Variants in KATNIP observed in about 807,000 individuals in gnomAD.
KATNIP encodes katanin-interacting protein.
In KATNIP, 126 loss-of-function variants were observed where a neutral mutation model predicts 174.0. That is an observed-to-expected ratio of 0.72 (90% CI 0.63 to 0.84). KATNIP has a LOEUF of 0.84. Among genes scored for constraint, KATNIP ranks in the 40% least tolerant of loss-of-function variants. The pLI is 0.00. For missense variants in KATNIP, 1,958 were observed against 2,109.7 expected (o/e 0.93, Z 1.41); for synonymous variants, 810 against 835.7 (o/e 0.97, Z 0.53).
chr16:27,772,808 G>C (rs1428735265), intron 22 of KATNIP, among the ~76,000 whole-genome samples: 2 of 152,050 alleles, frequency 1.3e-5, no homozygotes, highest in Admixed American at 6.6e-5. Context: ...CCTAGAGGAA[G>C]GCTTTGAATT....
At position 27,778,689 on chromosome 16, in the gene KATNIP, C is replaced by G; in HGVS notation, c.*60C>G. Reference sequence around the variant, plus strand: ...GGTGGGCTCCGTCAGCAGCCCCACTCAGTGCCTGCGTCCCTCACCCTCAGT... The same window carrying G: ...GGTGGGCTCCGTCAGCAGCCCCACTGAGTGCCTGCGTCCCTCACCCTCAGT... On this transcript the variant is annotated 3_prime_UTR_variant, in exon 28 of 28. Transcript: ENST00000261588. The G allele has an allele frequency of 2.6e-6, 4 of 1,517,754 alleles. No homozygotes were observed. Among genetic ancestry groups the G allele is most frequent in the Non-Finnish European group, 3.6e-6 (4 of 1,101,004 alleles). The allele number at this position is 1,517,754 out of a possible 1,614,324, so 94.0% of individuals were successfully genotyped here.
chr16:27,725,799 C>A (rs1235231832), intron 14 of KATNIP, among the ~76,000 whole-genome samples: 1 of 152,172 alleles, frequency 6.6e-6, no homozygotes, highest in East Asian at 1.9e-4. Context: ...AGCGTCACCA[C>A]GCAAGTGCCG....
intron 5 of KATNIP, among the ~76,000 whole-genome samples, chr16:27,640,005 C>G (rs1307368320): frequency 1.3e-5 from 2 of 152,206 alleles, no homozygotes; most frequent in Non-Finnish European, 2.9e-5. Flanking sequence ...TGGGGCAGCC[C>G]CCAGCCTTGC....
In KATNIP at chr16:27,628,811, C is replaced by A; in HGVS notation, c.291C>A (p.Ser97=). The part of the protein sequence containing the change: ...AIHSDFSRSA[S]HTEGTHDYGR... ...ACTCTGACTTCTCCAGAAGTGCCTC[C>A]CACACGGAGGGGACACACGGTGAGC... The change falls in exon 4 of 28, where the codon TCC becomes TCA. Residue 97 remains serine, a synonymous_variant. Transcript: ENST00000261588. 1 of 1,614,140 alleles carries A rather than the reference C, an allele frequency of 6.2e-7. No individual in the cohort carries two copies. Among genetic ancestry groups the A allele is most frequent in the Non-Finnish European group, 8.5e-7 (1 of 1,180,020 alleles).
intron 1 of KATNIP, among the ~76,000 whole-genome samples, chr16:27,566,551 T>G (rs112783519): frequency 8.7e-5 from 12 of 138,440 alleles, no homozygotes; most frequent in African/African-American, 1.1e-4. Context: ...AAAAGGAAGT[T>G]GAAATGGGGG....
chr16:27,739,964 G>A (rs2081038056), intron 14 of KATNIP, 77 bp from the exon 15 acceptor site: 2 of 1,432,016 alleles, frequency 1.4e-6, no homozygotes, highest in South Asian at 1.4e-5. Flanking sequence ...TTCTTTTTTT[G>A]GTATCTTCGA....
chr16:27,658,675 TC>T (rs959887406), intron 6 of KATNIP, among the ~76,000 whole-genome samples: 1 of 152,032 alleles, frequency 6.6e-6, no homozygotes, highest in Admixed American at 6.6e-5. Flanking sequence ...GGAGACGATG[TC>T]CCTTAAAAAA....
chr16:27,632,614 C>T (rs1164065140), intron 5 of KATNIP: 2 of 456,378 alleles, frequency 4.4e-6, no homozygotes, highest in East Asian at 6.9e-5. Context: ...GTCAGTGGTC[C>T]CTTACCAGGA....
intron 1 of KATNIP, among the ~76,000 whole-genome samples, chr16:27,571,637 C>T (rs2090298981): frequency 6.6e-6 from 1 of 152,224 alleles, no homozygotes; most frequent in Non-Finnish European, 1.5e-5. Context: ...CTGCTCTTGC[C>T]CTGGGCCCTG....
intron 21 of KATNIP, among the ~76,000 whole-genome samples, chr16:27,770,799 A>G (rs887209426): frequency 6.6e-6 from 1 of 152,214 alleles, no homozygotes; most frequent in Non-Finnish European, 1.5e-5. Flanking sequence ...CCCGTTTTAC[A>G]GATGTGGGAA....
intron 15 of KATNIP, 22 bp downstream of exon 15, chr16:27,740,942 G>T (rs778325748): frequency 6.4e-7 from 1 of 1,565,344 alleles, no homozygotes; most frequent in South Asian, 1.2e-5. Flanking sequence ...AGAGCAGCCC[G>T]ACTTGGGCAT....
intron 5 of KATNIP, among the ~76,000 whole-genome samples, chr16:27,643,990 C>T (rs2142290779): frequency 6.6e-6 from 1 of 150,786 alleles, no homozygotes; most frequent in African/African-American, 2.4e-5. Context: ...GGGCCAATTC[C>T]TCCCTAGTCC....
chr16:27,772,886 CACAT>C (rs550920538), intron 22 of KATNIP, among the ~76,000 whole-genome samples: 93 of 151,948 alleles, frequency 6.1e-4, no homozygotes, highest in Middle Eastern at 3.4e-3. Context: ...CATGAACACT[CACAT>C]GCACACACAC....
chr16:27,730,344 G>T (rs1005609175), intron 14 of KATNIP, among the ~76,000 whole-genome samples: 3 of 152,080 alleles, frequency 2.0e-5, no homozygotes, highest in African/African-American at 7.2e-5. Context: ...TGAGAAACTA[G>T]AGGATCCCAC....
chr16:27,570,014 CT>C (rs766959399), intron 1 of KATNIP, among the ~76,000 whole-genome samples: 11 of 152,072 alleles, frequency 7.2e-5, no homozygotes, highest in Non-Finnish European at 1.5e-4. Flanking sequence ...TCCCAAAGTG[CT>C]GAGATTACAG....
At chr16:27,670,768 T>G (rs922391666) in intron 6 of KATNIP, among the ~76,000 whole-genome samples, 1 of 152,198 alleles carries the variant, frequency 6.6e-6, no homozygotes, top group African/African-American at 2.4e-5. Context: ...GGGACAAAAT[T>G]TAAACATAAA....
At chr16:27,631,615 A>G (rs1487175190) in intron 5 of KATNIP, among the ~76,000 whole-genome samples, 1 of 151,214 alleles carries the variant, frequency 6.6e-6, no homozygotes, top group African/African-American at 2.4e-5. Flanking sequence ...CCCTTTCTGC[A>G]TGTGGAACTG....
intron 3 of KATNIP, among the ~76,000 whole-genome samples, chr16:27,624,015 G>A (rs538684258): frequency 1.2e-3 from 187 of 152,228 alleles, no homozygotes; most frequent in Non-Finnish European, 2.1e-3. Context: ...AAAGATGCCG[G>A]CACCTCCCTG....
At chr16:27,713,198 A>G (rs1329395550) in intron 13 of KATNIP, among the ~76,000 whole-genome samples, 1 of 152,146 alleles carries the variant, frequency 6.6e-6, no homozygotes, top group African/African-American at 2.4e-5. Context: ...TTTGTTCAGT[A>G]ACTGGCATTG....
Sources: allele counts gnomAD v4.1 joint callset (sites outside exome capture counted in the v4.1 genomes callset), GRCh38; gene constraint gnomAD v4.1.1; transcripts MANE v1.5; gene names NCBI Gene and HGNC (gene_info 2026-07-23, HGNC 2026-07-21).